Variants in SEC14L1 observed in about 807,000 individuals in gnomAD.
SEC14L1 encodes the protein SEC14-like protein 1.
A neutral mutation model predicts 85.3 loss-of-function variants in SEC14L1; 48 were observed. The ratio of observed to expected loss-of-function variants is 0.56; its 90% confidence interval spans 0.45 to 0.72. The LOEUF is 0.72. Among genes scored for constraint, SEC14L1 ranks in the 30% least tolerant of loss-of-function variants. The pLI is 0.00. For missense variants in SEC14L1, 682 were observed against 921.4 expected (o/e 0.74, Z 3.36); for synonymous variants, 391 against 355.5 (o/e 1.10, Z -1.12).
At chr17:77,119,336 A>G (rs1398902784) in intron 3 of SEC14L1, among the ~76,000 whole-genome samples, 2 of 151,178 alleles carry the variant, frequency 1.3e-5, no homozygotes, top group Admixed American at 1.3e-4. Flanking sequence ...TACAGCCTGG[A>G]CAATCACTGG....
intron 3 of SEC14L1, among the ~76,000 whole-genome samples, chr17:77,134,226 G>A (rs879776252): frequency 3.5e-4 from 53 of 150,868 alleles, no homozygotes; most frequent in Non-Finnish European, 6.8e-4. Flanking sequence ...AGTGCCACTT[G>A]AACACAACAT....
chr17:77,205,189 G>C, intron 10 of SEC14L1, 87 bp from the exon 11 acceptor site: 1 of 1,110,110 alleles, frequency 9.0e-7, no homozygotes. Context: ...TCTGTAATAC[G>C]CTGTTAGTGT....
intron 3 of SEC14L1, among the ~76,000 whole-genome samples, chr17:77,189,799 T>G (rs1975438908): frequency 6.6e-6 from 1 of 152,086 alleles, no homozygotes; most frequent in African/African-American, 2.4e-5. Context: ...CGGCTAATTT[T>G]TTGTATCTTT....
At chr17:77,134,247 C>T (rs1450640268) in intron 3 of SEC14L1, among the ~76,000 whole-genome samples, 2 of 147,334 alleles carry the variant, frequency 1.4e-5, no homozygotes, top group Non-Finnish European at 3.0e-5. Flanking sequence ...GCAACACACA[C>T]ACACTTTTTT....
chr17:77,183,377 GA>G (rs1476083677), intron 3 of SEC14L1, among the ~76,000 whole-genome samples: 2 of 152,196 alleles, frequency 1.3e-5, no homozygotes, highest in Non-Finnish European at 2.9e-5. Context: ...ACATTTTGTA[GA>G]AACATTTGAA....
chr17:77,181,362 A>G (rs1170779934), intron 3 of SEC14L1, among the ~76,000 whole-genome samples: 2 of 152,208 alleles, frequency 1.3e-5, no homozygotes, highest in Admixed American at 1.3e-4. Flanking sequence ...TCCAGTTGGT[A>G]TTAATCACCT....
chr17:77,214,039 A>C lies in SEC14L1; in HGVS notation c.*16A>C. ...CTCCAGGTAGTGCCGCGCTGCCTGC[A>C]CCTAGTGTGCAGAGGGGACGGCCGC... On this transcript the variant is annotated 3_prime_UTR_variant, in exon 17 of 17. Transcript: ENST00000436233. 1 of 1,610,114 alleles carries C rather than the reference A, an allele frequency of 6.2e-7. No homozygotes were observed. Among genetic ancestry groups the C allele is most frequent in the South Asian group, 1.1e-5 (1 of 90,758 alleles).
At position 77,099,367 on chromosome 17, in the gene SEC14L1, A is replaced by G. The variant is rs144867098; in HGVS notation, c.-136+6020A>G. 5.1e-3 allele frequency among the ~76,000 whole-genome samples: 775 copies of G among 152,258 alleles called. 9 individuals are homozygous for G. The highest frequency in any genetic ancestry group is 0.017 in the African/African-American group (692 of 41,542). ...TAGATTTCTGAAAGTCAAATTTCTG[A>G]CATGAGCCTATTTGAAAACTTTGCT... On this transcript the variant is annotated intron_variant, in intron 3 of 19. Coordinates refer to the SEC14L1 transcript ENST00000392476.
chr17:77,157,420 C>G (rs1161372056), intron 3 of SEC14L1, among the ~76,000 whole-genome samples: 1 of 152,154 alleles, frequency 6.6e-6, no homozygotes. Flanking sequence ...CACAAGGCTT[C>G]CAGGTGATTC....
chr17:77,092,558 CAGG>C (rs1971542403), intron 2 of SEC14L1, among the ~76,000 whole-genome samples: 1 of 152,080 alleles, frequency 6.6e-6, no homozygotes, highest in Non-Finnish European at 1.5e-5. Flanking sequence ...GGTTGATAAC[CAGG>C]TTGTAGGGCC....
In SEC14L1 at chr17:77,213,824, A is replaced by G. The variant is rs1477896119; in HGVS notation, c.2043-94A>G. ...TGATGGGGATGAGAAGTGAGCAGAG[A>G]ACAGGGTGGGCCACGAAGTCCAGCA... On this transcript the variant is annotated intron_variant, in intron 16 of 16. Transcript: ENST00000436233. This position sits in a 1 kb window ranked among gnomAD's most constrained non-coding sequence, Gnocchi z 7.1. The G allele has an allele frequency of 1.4e-6, 2 of 1,471,626 alleles. No homozygotes were observed. Among genetic ancestry groups the G allele is most frequent in the Non-Finnish European group, 1.9e-6 (2 of 1,053,806 alleles). 91.2% of individuals were successfully genotyped at this position (1,471,626 alleles called of 1,614,324 possible).
At chr17:77,135,365 T>C (rs1972762507) in intron 3 of SEC14L1, among the ~76,000 whole-genome samples, 1 of 152,256 alleles carries the variant, frequency 6.6e-6, no homozygotes, top group Non-Finnish European at 1.5e-5. Context: ...CAACTGTTTC[T>C]GTTCTGTGAG....
intron 3 of SEC14L1, among the ~76,000 whole-genome samples, chr17:77,124,446 C>T (rs1233205168): frequency 1.3e-5 from 2 of 152,178 alleles, no homozygotes; most frequent in Non-Finnish European, 2.9e-5. Context: ...CCAAACAGGT[C>T]CCACAAGCCC....
rs540930633 is a variant in SEC14L1, at chr17:77,165,500, C to T, written c.63+21841C>T. ...GAGAGAGGCAGCCAGAAGCATTTTT[C>T]TCAGTGAGTAGAGGGGTGACTTTGA... On this transcript the variant is annotated intron_variant, in intron 3 of 16. Transcript: ENST00000436233. Among the ~76,000 whole-genome samples, 8 of 152,224 alleles carry T rather than the reference C, an allele frequency of 5.3e-5. No individual in the cohort carries two copies. In the South Asian group the frequency reaches 1.7e-3, roughly 32 times the overall value.
chr17:77,213,909 C>T lies in SEC14L1; in HGVS notation c.2043-9C>T, dbSNP rs369830495. The T allele has an allele frequency of 2.0e-5, 33 of 1,612,348 alleles. No individual in the cohort carries two copies. The African/African-American group carries it at 2.9e-4, about 14-fold the overall frequency. ...TCCTCACGCCTCGCCCCTCCCTGTGCCATTACAGAGGTTCCATGACGAGCC... is the reference window on the plus strand; with the variant it reads ...TCCTCACGCCTCGCCCCTCCCTGTGTCATTACAGAGGTTCCATGACGAGCC... On this transcript the variant is annotated splice_polypyrimidine_tract_variant and intron_variant, in intron 16 of 16. Coordinates refer to ENST00000436233, the MANE Select transcript of SEC14L1 (RefSeq NM_001143998.2). This position sits in a 1 kb window ranked among gnomAD's most constrained non-coding sequence, Gnocchi z 7.1.
intron 6 of SEC14L1, 120 bp downstream of exon 6, chr17:77,193,669 C>A: frequency 9.7e-7 from 1 of 1,026,088 alleles, no homozygotes; most frequent in Non-Finnish European, 1.4e-6. Flanking sequence ...GTGGAAGATG[C>A]TATGATCCCT....
chr17:77,183,946 C>T (rs148455397), intron 3 of SEC14L1, among the ~76,000 whole-genome samples: 19 of 152,230 alleles, frequency 1.2e-4, no homozygotes, highest in African/African-American at 3.1e-4. Context: ...CCACCACGCC[C>T]GGCTAATTTT....
Position 77,213,517 on chromosome 17 carries a change from G to T in SEC14L1, c.2042+25G>T, listed in dbSNP as rs777566367. 1.2e-6 allele frequency: 2 copies of T among 1,602,398 alleles called. No individual in the cohort carries two copies. Among genetic ancestry groups the T allele is most frequent in the South Asian group, 1.1e-5 (1 of 91,018 alleles). On this transcript the variant is annotated intron_variant, in intron 16 of 16. Transcript: ENST00000436233. This position sits in a 1 kb window ranked among gnomAD's most constrained non-coding sequence, Gnocchi z 7.1. Reference sequence around the variant, plus strand: ...GGTGCGGCCACCCTCGCCACAGCAGGTGCTGCGGACAGCTGGGCATGGTTG... The same window carrying T: ...GGTGCGGCCACCCTCGCCACAGCAGTTGCTGCGGACAGCTGGGCATGGTTG...
intron 3 of SEC14L1, among the ~76,000 whole-genome samples, chr17:77,119,523 C>T (rs1472574599): frequency 1.3e-5 from 2 of 152,192 alleles, no homozygotes; most frequent in Admixed American, 6.5e-5. Flanking sequence ...AAAGAGCAGA[C>T]GTGGCTGTTG....
Sources: gnomAD v4.1 joint callset for allele counts (sites outside exome capture counted in the v4.1 genomes callset) on GRCh38, gnomAD v4.1.1 for gene constraint, Gnocchi (gnomAD v3.1) non-coding constraint, MANE v1.5 for transcripts, NCBI Gene and HGNC (gene_info 2026-07-23, HGNC 2026-07-21) for gene names.